TBL1X: variants seen among roughly 807,000 people sequenced by gnomAD.
The protein encoded by TBL1X is F-box-like/WD repeat-containing protein TBL1X.
TBL1X carries 10 observed loss-of-function variants against 50.7 expected under a neutral mutation model. The observed-to-expected ratio is 0.20, with a 90% CI of 0.12 to 0.33. TBL1X has a LOEUF of 0.33. Among genes scored for constraint, TBL1X ranks in the 10% least tolerant of loss-of-function variants. The probability of loss-of-function intolerance (pLI) is 1.00; values close to 1 mark genes in which losing one functional copy is unlikely to be tolerated. For missense variants in TBL1X, 340 were observed against 504.4 expected (o/e 0.67, Z 3.12); for synonymous variants, 190 against 214.7 (o/e 0.88, Z 1.01).
At chrX:9,631,478 G>C (rs1238723728) in intron 2 of TBL1X, among the ~76,000 whole-genome samples, 3 of 112,410 alleles carry the variant, frequency 2.7e-5, no homozygotes, top group Admixed American at 9.4e-5. Context: ...ATACTTCACA[G>C]TAAGCTTATT....
intron 1 of TBL1X, among the ~76,000 whole-genome samples, chrX:9,497,116 A>G (rs2081974728): frequency 9.0e-6 from 1 of 111,693 alleles, no homozygotes; most frequent in South Asian, 3.7e-4. Context: ...CTTGTCGTTA[A>G]AGATATCCAT....
chrX:9,467,578 G>T (rs1407494488), intron 1 of TBL1X, among the ~76,000 whole-genome samples: 1 of 110,992 alleles, frequency 9.0e-6, no homozygotes, highest in Non-Finnish European at 1.9e-5. Context: ...TGAAAAATCA[G>T]TTCCACCCAG....
At chrX:9,486,918 C>T (rs947567620) in intron 1 of TBL1X, among the ~76,000 whole-genome samples, 2 of 111,506 alleles carry the variant, frequency 1.8e-5, no homozygotes, top group African/African-American at 6.5e-5. Context: ...TCCAGTTTGT[C>T]CCTGAGTGCA....
At chrX:9,532,927 C>T (rs2082169709) in intron 2 of TBL1X, among the ~76,000 whole-genome samples, 1 of 111,296 alleles carries the variant, frequency 9.0e-6, no homozygotes, top group Admixed American at 9.6e-5. Flanking sequence ...GCCTAATGTC[C>T]AGAACAGGAA....
At chrX:9,660,144 G>A (rs949170919) in intron 5 of TBL1X, among the ~76,000 whole-genome samples, 3 of 112,734 alleles carry the variant, frequency 2.7e-5, no homozygotes, top group Non-Finnish European at 3.8e-5. Context: ...GCCCTGTGGC[G>A]GCCACGAAAG....
chrX:9,716,133 G>A (rs371585324), intron 17 of TBL1X, 87 bp from the exon 18 acceptor site: 39 of 1,013,747 alleles, frequency 3.8e-5, no homozygotes, highest in African/African-American at 9.4e-5. Flanking sequence ...TAGATTGGGC[G>A]TGGGGGCCGT....
chrX:9,709,838 C>A, intron 15 of TBL1X, 78 bp downstream of exon 15: 1 of 1,144,398 alleles, frequency 8.7e-7, no homozygotes, highest in Non-Finnish European at 1.2e-6. Flanking sequence ...CGCGTCCATG[C>A]ACGTGTGTTG....
intron 2 of TBL1X, among the ~76,000 whole-genome samples, chrX:9,606,539 G>A (rs1382234547): frequency 9.0e-6 from 1 of 110,749 alleles, no homozygotes; most frequent in Admixed American, 9.6e-5. Context: ...AATTAGCCAG[G>A]TGTGGTGGCG....
At chrX:9,664,846 T>TG (rs755631482) in intron 5 of TBL1X, among the ~76,000 whole-genome samples, 2 of 111,081 alleles carry the variant, frequency 1.8e-5, no homozygotes, top group East Asian at 5.7e-4. Context: ...TTCTTCATCT[T>TG]GGGGGGACTG....
rs112237399 is a variant in TBL1X at position 9,601,861 on chromosome X, G to A, written c.-130-38412G>A. Among the ~76,000 whole-genome samples, 893 of 111,717 alleles carry A rather than the reference G, an allele frequency of 8.0e-3. 10 individuals carry two copies. The highest frequency in any genetic ancestry group is 0.027 in the African/African-American group (834 of 30,710). The stretch of plus-strand genomic sequence containing the variant: ...GTTCAAGACCAGCCTGGCCAACATG[G>A]CGAAACCCTGTATCTACTAAAAATA... On this transcript the variant is annotated intron_variant, in intron 2 of 17. Transcript: ENST00000645353.
intron 3 of TBL1X, among the ~76,000 whole-genome samples, chrX:9,643,274 G>A (rs1056095494): frequency 9.0e-6 from 1 of 111,101 alleles, no homozygotes; most frequent in African/African-American, 3.3e-5. Flanking sequence ...CAAATGTCCC[G>A]CAGTTCACAG....
chrX:9,715,123 G>A, intron 17 of TBL1X, 120 bp downstream of exon 17: 3 of 672,837 alleles, frequency 4.5e-6, no homozygotes, highest in Middle Eastern at 7.7e-4. Flanking sequence ...GCCAAAGGAA[G>A]CTTCTGGGCT....
At chrX:9,688,405 T>C in intron 7 of TBL1X, 130 bp downstream of exon 7, 1 of 609,091 alleles carries the variant, frequency 1.6e-6, no homozygotes, top group South Asian at 4.2e-5. Flanking sequence ...TAGTGTTTGC[T>C]TACGATCTGG....
At chrX:9,667,236 G>T (rs1256879792) in intron 5 of TBL1X, among the ~76,000 whole-genome samples, 1 of 111,812 alleles carries the variant, frequency 8.9e-6, no homozygotes, top group Non-Finnish European at 1.9e-5. Context: ...ACTCCAGCCT[G>T]GGTGACAGAG....
chrX:9,689,686 A>T (rs933988234), intron 7 of TBL1X, among the ~76,000 whole-genome samples: 17 of 112,418 alleles, frequency 1.5e-4, no homozygotes, highest in Non-Finnish European at 2.6e-4. Context: ...TTTGATAAGA[A>T]TGAAAATACT....
chrX:9,474,745 CAG>C (rs1462628919), intron 1 of TBL1X, among the ~76,000 whole-genome samples: 1 of 112,887 alleles, frequency 8.9e-6, no homozygotes, highest in Non-Finnish European at 1.9e-5. Flanking sequence ...CGGATGCCCT[CAG>C]GGCTCTGGAG....
intron 13 of TBL1X, among the ~76,000 whole-genome samples, chrX:9,708,447 C>T (rs2083223445): frequency 8.9e-6 from 1 of 112,114 alleles, no homozygotes; most frequent in African/African-American, 3.2e-5. Flanking sequence ...CATCTTCCAC[C>T]TGGATCAGCC....
intron 5 of TBL1X, among the ~76,000 whole-genome samples, chrX:9,657,435 C>T (rs1569088923): frequency 8.9e-6 from 1 of 112,294 alleles, no homozygotes; most frequent in Non-Finnish European, 1.9e-5. Flanking sequence ...TGCCAGTATC[C>T]ATGGTGTCAG....
chrX:9,630,998 TAA>T (rs1491319939), intron 2 of TBL1X, among the ~76,000 whole-genome samples: 4 of 107,077 alleles, frequency 3.7e-5, no homozygotes, highest in African/African-American at 1.4e-4. Context: ...GATATATGGA[TAA>T]TATATATATA....
Sources: gnomAD v4.1 joint callset for allele counts (sites outside exome capture counted in the v4.1 genomes callset) on GRCh38, gnomAD v4.1.1 for gene constraint, MANE v1.5 for transcripts, NCBI Gene and HGNC (gene_info 2026-07-23, HGNC 2026-07-21) for gene names.